The following ZNF609 variants were observed in gnomAD, a reference collection of about 807,000 sequenced individuals.
The protein encoded by ZNF609 is zinc finger protein 609.
ZNF609 carries 11 observed loss-of-function variants against 109.5 expected under a neutral mutation model. The observed-to-expected ratio is 0.10, with a 90% CI of 0.06 to 0.17. ZNF609 has a LOEUF of 0.17. Ranked by LOEUF, ZNF609 falls within the 10% of genes least tolerant of loss-of-function variation. ZNF609 has a pLI of 1.00. For synonymous variants in ZNF609, 646 were observed against 662.0 expected (o/e 0.98, Z 0.37); for missense variants, 1,559 against 1,772.4 (o/e 0.88, Z 2.16).
chr15:64,492,490 A>G (rs1893427410), intron 1 of ZNF609, among the ~76,000 whole-genome samples: 2 of 152,302 alleles, frequency 1.3e-5, no homozygotes, highest in Admixed American at 6.5e-5. Flanking sequence ...AAGTTCATAC[A>G]CTAGAACCTT....
chr15:64,614,476 G>A (rs1168271170), intron 2 of ZNF609, among the ~76,000 whole-genome samples: 3 of 151,646 alleles, frequency 2.0e-5, no homozygotes, highest in South Asian at 2.1e-4. Flanking sequence ...CCTTGTGATC[G>A]CCTGCCTCGG....
At position 64,675,187 on chromosome 15, in the gene ZNF609, C is replaced by T. The variant is rs781551115; in HGVS notation, c.2333C>T (p.Ser778Leu). The change falls in exon 5 of 10, where the codon TCA becomes TTA. Residue 778 changes from serine (S) to leucine (L), a missense_variant. Physicochemically the swap from Ser to Leu is moderately radical, Grantham distance 145. Around this residue, in one of 4 missense-constraint regions of ZNF609, gnomAD observed 1,204 missense variants for 1,314.1 expected, o/e 0.92. Coordinates refer to ENST00000326648, the MANE Select transcript of ZNF609 (RefSeq NM_015042.2). The stretch of plus-strand genomic sequence containing the variant: ...ATGGAGGGGCTCCTAAATGGCTCAT[C>T]AGACCCCCACCAAAGCCGACTGGCT... The part of the protein sequence containing the change: ...MKMEGLLNGS[S>L]DPHQSRLASI... The T allele has an allele frequency of 6.2e-7, 1 of 1,613,996 alleles. No homozygotes were observed. Among genetic ancestry groups the T allele is most frequent in the African/African-American group, 1.3e-5 (1 of 74,944 alleles).
intron 1 of ZNF609, among the ~76,000 whole-genome samples, chr15:64,484,050 C>CTTTTTTTTTTTTT (rs11290071): frequency 7.8e-6 from 1 of 128,802 alleles, no homozygotes. Flanking sequence ...AGTTTCTTTC[C>CTTTTTTTTTTTTT]TTTTTTTTTT....
At chr15:64,487,065 A>T (rs1893343797) in intron 1 of ZNF609, among the ~76,000 whole-genome samples, 1 of 152,210 alleles carries the variant, frequency 6.6e-6, no homozygotes, top group South Asian at 2.1e-4. Flanking sequence ...TACTACTATT[A>T]CATTTTTGGT....
chr15:64,615,900 G>A (rs142096235), intron 2 of ZNF609, among the ~76,000 whole-genome samples: 1 of 152,132 alleles, frequency 6.6e-6, no homozygotes. Context: ...AAGTTTCTTA[G>A]AACTACTGCT....
At chr15:64,529,620 C>G (rs1894025140) in intron 2 of ZNF609, 1 of 1,044,372 alleles carries the variant, frequency 9.6e-7, no homozygotes, top group African/African-American at 1.6e-5. Flanking sequence ...TCATGGTGCA[C>G]CAGGCACCCA....
At chr15:64,591,280 TAGCTG>T (rs1270283887) in intron 2 of ZNF609, among the ~76,000 whole-genome samples, 1 of 151,886 alleles carries the variant, frequency 6.6e-6, no homozygotes, top group East Asian at 1.9e-4. Context: ...ATACAAAAAT[TAGCTG>T]AGTGTGGTGG....
intron 2 of ZNF609, among the ~76,000 whole-genome samples, chr15:64,534,400 C>T (rs1307261363): frequency 4.0e-5 from 6 of 149,252 alleles, no homozygotes; most frequent in South Asian, 2.1e-4. Flanking sequence ...CTGCAACCTC[C>T]GCCTCCCGGG....
chr15:64,531,493 G>A (rs1422120911), intron 2 of ZNF609, among the ~76,000 whole-genome samples: 2 of 152,114 alleles, frequency 1.3e-5, no homozygotes, highest in African/African-American at 4.8e-5. Context: ...CGCCTTCTGG[G>A]TTCAAGTGAT....
chr15:64,463,133 G>T (rs558114115), intron 1 of ZNF609, among the ~76,000 whole-genome samples: 1 of 152,200 alleles, frequency 6.6e-6, no homozygotes, highest in Non-Finnish European at 1.5e-5. Context: ...AGTGGCACAT[G>T]CCAGTGGTCC....
At position 64,499,935 on chromosome 15, in the gene ZNF609, C is replaced by T. The variant is rs561700343; in HGVS notation, c.516C>T (p.Ser172=). The stretch of plus-strand genomic sequence containing the variant: ...CATCTAAGAGCAAGAAGGAGAGAAG[C>T]GAAGGAGTGGGGACTTGTTCAGAAA... ...NSSSKSKKER[S]EGVGTCSEKD... is the part of the protein sequence containing the mutation. Residue 172 remains serine, a synonymous_variant, in exon 2 of 10, where the codon AGC becomes AGT. Coordinates refer to ENST00000326648, the MANE Select transcript of ZNF609 (RefSeq NM_015042.2). The T allele has an allele frequency of 4.2e-5, 68 of 1,614,014 alleles. No individual in the cohort carries two copies. The highest frequency in any genetic ancestry group is 4.0e-4 in the South Asian group (36 of 91,074).
rs374004315 is a variant in ZNF609 at position 64,678,231 on chromosome 15, G to A, written c.3518G>A (p.Arg1173Gln). The change falls in exon 6 of 10, where the codon CGG becomes CAG. Residue 1173 changes from arginine to glutamine, a missense_variant. Physicochemically the swap from Arg to Gln is conservative, Grantham distance 43 (BLOSUM62 1). This residue lies in a region of ZNF609 where 1,204 missense variants were observed against 1,314.1 expected (regional missense o/e 0.92). Coordinates refer to ENST00000326648, the MANE Select transcript of ZNF609 (RefSeq NM_015042.2). Reference protein sequence around the residue: ...RDRKLKEERSRSKDSVPKEDG... With the variant: ...RDRKLKEERSQSKDSVPKEDG... ...CGCAAATTGAAGGAGGAAAGGAGTC[G>A]GAGTAAGGACTCTGTCCCCAAGGAA... The A allele has an allele frequency of 2.1e-5, 34 of 1,614,000 alleles. No individual in the cohort carries two copies. The highest frequency in any genetic ancestry group is 1.6e-4 in the Middle Eastern group (1 of 6,084).
At chr15:64,500,237 T>C (rs1893542596) in intron 2 of ZNF609, 71 bp downstream of exon 2, 1 of 1,563,906 alleles carries the variant, frequency 6.4e-7, no homozygotes, top group East Asian at 2.3e-5. Flanking sequence ...TGCCAAATAC[T>C]ATGTGTACTC....
intron 2 of ZNF609, among the ~76,000 whole-genome samples, chr15:64,607,870 TCTTTC>T (rs1895636065): frequency 2.6e-5 from 1 of 38,764 alleles, no homozygotes; most frequent in Non-Finnish European, 7.3e-5. Flanking sequence ...TTTCTTTCTT[TCTTTC>T]TTTCTTCTTT....
chr15:64,581,720 A>C (rs541676546), intron 2 of ZNF609, among the ~76,000 whole-genome samples: 1 of 152,212 alleles, frequency 6.6e-6, no homozygotes, highest in Admixed American at 6.5e-5. Flanking sequence ...AGGAGATGGG[A>C]GTAGGGCAAG....
At chr15:64,570,824 G>A (rs1038003077) in intron 2 of ZNF609, among the ~76,000 whole-genome samples, 1 of 152,046 alleles carries the variant, frequency 6.6e-6, no homozygotes, top group Non-Finnish European at 1.5e-5. Context: ...TCAGGAGTTC[G>A]AGACGAGCCT....
At chr15:64,618,451 G>A (rs575379905) in intron 2 of ZNF609, among the ~76,000 whole-genome samples, 1 of 152,244 alleles carries the variant, frequency 6.6e-6, no homozygotes, top group East Asian at 1.9e-4. Context: ...GTCCTTAGGC[G>A]GCTTGTGTTA....
intron 3 of ZNF609, among the ~76,000 whole-genome samples, chr15:64,624,917 G>A (rs1375503686): frequency 6.6e-6 from 1 of 151,732 alleles, no homozygotes; most frequent in Non-Finnish European, 1.5e-5. Context: ...ATACCACCAC[G>A]CCTGGTCCAT....
chr15:64,632,415 C>T (rs1057167095), intron 3 of ZNF609, among the ~76,000 whole-genome samples: 2 of 152,004 alleles, frequency 1.3e-5, no homozygotes, highest in Admixed American at 6.5e-5. Context: ...ATGAAAATTA[C>T]GTGGAATTCA....
Sources: allele counts gnomAD v4.1 joint callset (sites outside exome capture counted in the v4.1 genomes callset), GRCh38; gene constraint gnomAD v4.1.1; regional missense constraint gnomAD v4.1.1; transcripts MANE v1.5; gene names NCBI Gene and HGNC (gene_info 2026-07-23, HGNC 2026-07-21).